PCDH11X: variants seen among roughly 807,000 people sequenced by gnomAD.
PCDH11X encodes protocadherin-11 X-linked.
PCDH11X carries 18 observed loss-of-function variants against 53.3 expected under a neutral mutation model. The ratio of observed to expected loss-of-function variants is 0.34; its 90% CI spans 0.23 to 0.50. PCDH11X has a LOEUF of 0.50. PCDH11X is among the 20% of genes least tolerant of loss of function. The pLI is 0.98. For missense variants in PCDH11X, 570 were observed against 1,032.4 expected, an observed-to-expected ratio of 0.55 and a Z score of 6.14; for synonymous variants, 279 against 393.3, an observed-to-expected ratio of 0.71 and a Z score of 3.44.
chrX:92,574,593 C>A (rs1308245550), intron 10 of PCDH11X, among the ~76,000 whole-genome samples: 3 of 110,790 alleles, frequency 2.7e-5, no homozygotes, highest in African/African-American at 9.8e-5. Context: ...ATATAATAAA[C>A]CCGTCAGTTA....
intron 10 of PCDH11X, among the ~76,000 whole-genome samples, chrX:92,482,213 C>T (rs756302268): frequency 5.4e-5 from 6 of 111,743 alleles, no homozygotes; most frequent in African/African-American, 2.0e-4. Context: ...TTTAGCACTG[C>T]CCCTTAGACA....
chrX:92,140,731 G>T (rs1238065459), intron 6 of PCDH11X, among the ~76,000 whole-genome samples: 3 of 111,076 alleles, frequency 2.7e-5, no homozygotes, highest in African/African-American at 9.8e-5. Flanking sequence ...TTATAGCAAG[G>T]TTTATAAAAA....
At chrX:92,552,700 A>G (rs2074979760) in intron 10 of PCDH11X, among the ~76,000 whole-genome samples, 1 of 110,736 alleles carries the variant, frequency 9.0e-6, no homozygotes, top group East Asian at 2.8e-4. Context: ...GCATTGATGT[A>G]TGTTCCTTCT....
intron 6 of PCDH11X, among the ~76,000 whole-genome samples, chrX:92,085,998 TA>T (rs1393272923): frequency 8.9e-6 from 1 of 112,079 alleles, no homozygotes; most frequent in Admixed American, 9.5e-5. Context: ...AAAACATTAA[TA>T]TTCACATTGA....
At chrX:91,821,047 C>G (rs1226206690) in intron 4 of PCDH11X, among the ~76,000 whole-genome samples, 2 of 106,120 alleles carry the variant, frequency 1.9e-5, no homozygotes, top group Admixed American at 2.0e-4. Flanking sequence ...TGTTTTGGTA[C>G]CAGTACCATG....
intron 10 of PCDH11X, among the ~76,000 whole-genome samples, chrX:92,541,476 C>T (rs1308961396): frequency 1.8e-5 from 2 of 111,166 alleles, no homozygotes; most frequent in Non-Finnish European, 3.8e-5. Flanking sequence ...TTTTTAATGC[C>T]TCTTTCAGTG....
chrX:92,201,293 A>AGGC, intron 6 of PCDH11X, 82 bp from the exon 7 acceptor site: 2 of 1,116,628 alleles, frequency 1.8e-6, no homozygotes, highest in Non-Finnish European at 2.4e-6. Context: ...AGCTACCTAT[A>AGGC]GGCAATGTTT....
intron 6 of PCDH11X, among the ~76,000 whole-genome samples, chrX:91,912,689 G>A (rs1208218760): frequency 9.1e-6 from 1 of 109,670 alleles, no homozygotes; most frequent in African/African-American, 3.3e-5. Flanking sequence ...TGGCAGATAG[G>A]AGACAGGGAT....
chrX:92,577,237 A>G (rs4893182), intron 10 of PCDH11X, among the ~76,000 whole-genome samples: 34,906 of 109,352 alleles, frequency 0.32, 4,509 homozygotes, highest in African/African-American at 0.42. Context: ...TTATTGGTCC[A>G]TTCAGAGATT....
At chrX:92,457,794 G>T (rs2072936978) in intron 9 of PCDH11X, among the ~76,000 whole-genome samples, 1 of 108,063 alleles carries the variant, frequency 9.3e-6, no homozygotes, top group South Asian at 4.0e-4. Flanking sequence ...TTACTTTGGG[G>T]GAACAATGCA....
At chrX:92,325,925 T>C (rs1430226525) in intron 8 of PCDH11X, among the ~76,000 whole-genome samples, 3 of 112,349 alleles carry the variant, frequency 2.7e-5, no homozygotes, top group Non-Finnish European at 5.6e-5. Flanking sequence ...GTGCTAATAA[T>C]TGATGTTACC....
At chrX:92,452,461 GTGTATATATA>G (rs1569489234) in intron 9 of PCDH11X, among the ~76,000 whole-genome samples, 1 of 39,899 alleles carries the variant, frequency 2.5e-5, no homozygotes, top group Non-Finnish European at 4.1e-5. Context: ...ATGTGTGTGT[GTGTATATATA>G]TATATATATA....
chrX:92,504,538 A>T (rs917638931), intron 10 of PCDH11X, among the ~76,000 whole-genome samples: 1 of 111,594 alleles, frequency 9.0e-6, no homozygotes, highest in Non-Finnish European at 1.9e-5. Context: ...TTCTTTATCC[A>T]GTCAACCATG....
At chrX:92,147,651 G>T (rs1020046982) in intron 6 of PCDH11X, among the ~76,000 whole-genome samples, 1 of 108,716 alleles carries the variant, frequency 9.2e-6, no homozygotes, top group Admixed American at 9.8e-5. Flanking sequence ...ACACACCTAT[G>T]TATTAAGAGG....
intron 9 of PCDH11X, among the ~76,000 whole-genome samples, chrX:92,407,937 G>C (rs1279723674): frequency 9.2e-6 from 1 of 109,281 alleles, no homozygotes; most frequent in Non-Finnish European, 1.9e-5. Context: ...CCAGGCTGGA[G>C]TGCAGTGGCA....
At chrX:91,900,801 T>A (rs1940924013) in intron 6 of PCDH11X, among the ~76,000 whole-genome samples, 1 of 111,006 alleles carries the variant, frequency 9.0e-6, no homozygotes, top group Non-Finnish European at 1.9e-5. Context: ...ACCAAGTATG[T>A]CTTAGAATAG....
intron 7 of PCDH11X, among the ~76,000 whole-genome samples, chrX:92,215,495 G>A (rs1421654073): frequency 3.0e-5 from 2 of 65,752 alleles, no homozygotes; most frequent in Non-Finnish European, 6.0e-5. Flanking sequence ...CAGCGAGGCT[G>A]GGGGAGGGGC....
Position 92,293,322 on chromosome X carries a change from T to C in PCDH11X, c.3144+30179T>C, listed in dbSNP as rs73245241. On this transcript the variant is annotated intron_variant, in intron 8 of 10. Coordinates refer to ENST00000682573, the MANE Select transcript of PCDH11X (RefSeq NM_032968.5). ...ACTTTGGAATGGTAATAGAGTTCTA[T>C]AACATAGAACTAAAGCTGTGGGCCA... Among the ~76,000 whole-genome samples, 219 of 110,447 alleles carry C rather than the reference T, an allele frequency of 2.0e-3. 1 individual carries two copies. Among genetic ancestry groups the C allele is most frequent in the Non-Finnish European group, 3.6e-3 (189 of 53,029 alleles).
At chrX:92,049,028 T>C in intron 6 of PCDH11X, among the ~76,000 whole-genome samples, 1 of 111,524 alleles carries the variant, frequency 9.0e-6, no homozygotes, top group East Asian at 2.8e-4. Flanking sequence ...AAAGGAAATG[T>C]TTAGGTTAGG....
Sources: allele counts gnomAD v4.1 joint callset (sites outside exome capture counted in the v4.1 genomes callset), GRCh38; gene constraint gnomAD v4.1.1; transcripts MANE v1.5; gene names NCBI Gene and HGNC (gene_info 2026-07-23, HGNC 2026-07-21).